The following EDEM1 variants were observed in gnomAD, a reference collection of about 807,000 sequenced individuals.
EDEM1 encodes the protein ER degradation enhancing alpha-mannosidase like protein 1.
EDEM1 carries 67 observed loss-of-function variants against 74.4 expected under a neutral mutation model. The ratio of observed to expected loss-of-function variants is 0.90; its 90% CI spans 0.74 to 1.10. EDEM1 has a LOEUF of 1.10. Ranked by LOEUF, EDEM1 falls within the 50% of genes least tolerant of loss-of-function variation. EDEM1 has a pLI of 0.00. For missense variants in EDEM1, 926 were observed against 851.6 expected, an observed-to-expected ratio of 1.09 and a Z score of -1.09; for synonymous variants, 382 against 335.9, an observed-to-expected ratio of 1.14 and a Z score of -1.50.
At chr3:5,193,749 C>T (rs553857929) in intron 1 of EDEM1, among the ~76,000 whole-genome samples, 7 of 152,170 alleles carry the variant, frequency 4.6e-5, no homozygotes, top group Non-Finnish European at 7.3e-5. Context: ...AGGCGCCTGC[C>T]ACCACGCCCA....
At chr3:5,196,434 G>A (rs1430327643) in intron 2 of EDEM1, among the ~76,000 whole-genome samples, 1 of 148,640 alleles carries the variant, frequency 6.7e-6, no homozygotes, top group Non-Finnish European at 1.5e-5. Context: ...TGTAGCCTGG[G>A]CAACAGAGTG....
intron 1 of EDEM1, among the ~76,000 whole-genome samples, chr3:5,191,348 C>T (rs1319764498): frequency 3.3e-5 from 5 of 152,168 alleles, no homozygotes; most frequent in South Asian, 4.1e-4. Context: ...CTCAGCCTCC[C>T]GAATAGCTGG....
intron 8 of EDEM1, among the ~76,000 whole-genome samples, chr3:5,209,569 C>T (rs1279936187): frequency 1.3e-5 from 2 of 152,248 alleles, no homozygotes; most frequent in Admixed American, 6.5e-5. Flanking sequence ...ATTAAAGATC[C>T]CCAACTTTTA....
chr3:5,202,018 G>C, intron 4 of EDEM1, 94 bp downstream of exon 4: 1 of 1,431,734 alleles, frequency 7.0e-7, no homozygotes, highest in Non-Finnish European at 9.4e-7. Flanking sequence ...AGAAGGAATG[G>C]GATGGAGGTA....
At chr3:5,195,065 G>C in intron 1 of EDEM1, 144 bp from the exon 2 acceptor site, 1 of 446,286 alleles carries the variant, frequency 2.2e-6, no homozygotes, top group Non-Finnish European at 3.9e-6. Flanking sequence ...GGGGTAGAAA[G>C]ACCTTTGCTG....
chr3:5,193,373 G>A (rs2054924539), intron 1 of EDEM1, among the ~76,000 whole-genome samples: 1 of 152,008 alleles, frequency 6.6e-6, no homozygotes, highest in South Asian at 2.1e-4. Flanking sequence ...TACCTTTTTT[G>A]GCTGTCACTT....
intron 5 of EDEM1, 125 bp downstream of exon 5, chr3:5,203,274 G>T (rs184064982): frequency 2.0e-6 from 2 of 997,356 alleles, no homozygotes; most frequent in Non-Finnish European, 2.8e-6. Flanking sequence ...AATTGTGTCA[G>T]CTCTATCTAA....
chr3:5,190,013 A>C (rs762739281), intron 1 of EDEM1, among the ~76,000 whole-genome samples: 16 of 152,022 alleles, frequency 1.1e-4, no homozygotes, highest in Non-Finnish European at 1.6e-4. Context: ...GGGGGGGATA[A>C]ACTTCATTTA....
At chr3:5,211,402 G>A (rs998514876) in intron 10 of EDEM1, 186 bp downstream of exon 10, 2 of 577,384 alleles carry the variant, frequency 3.5e-6, no homozygotes, top group African/African-American at 3.8e-5. Context: ...CAACCTTGTT[G>A]AAAAGTCATT....
At chr3:5,189,887 C>T (rs1314797898) in intron 1 of EDEM1, among the ~76,000 whole-genome samples, 1 of 152,230 alleles carries the variant, frequency 6.6e-6, no homozygotes, top group Non-Finnish European at 1.5e-5. Flanking sequence ...GCGTGAGCCA[C>T]CGCTCCCGGC....
chr3:5,203,168 C>G lies in EDEM1; in HGVS notation c.1042+19C>G, dbSNP rs112221106. 1.9e-6 allele frequency: 3 copies of G among 1,539,074 alleles called. No homozygotes were observed. In the Admixed American group the frequency reaches 6.2e-5, roughly 32 times the overall value. On this transcript the variant is annotated intron_variant, in intron 5 of 11. Coordinates refer to ENST00000256497, the MANE Select transcript of EDEM1 (RefSeq NM_014674.3). ...TTACTAGGTGTGGCACCTTTCCTCG[C>G]CATTGGGACTGCACACTGCTTGGTC...
At position 5,207,139 on chromosome 3, in the gene EDEM1, G is replaced by T; in HGVS notation, c.1218-14G>T. The T allele has an allele frequency of 6.2e-7, 1 of 1,613,670 alleles. No homozygotes were observed. Among genetic ancestry groups the T allele is most frequent in the Non-Finnish European group, 8.5e-7 (1 of 1,179,866 alleles). On this transcript the variant is annotated splice_polypyrimidine_tract_variant and intron_variant, in intron 6 of 11. Coordinates refer to ENST00000256497, the MANE Select transcript of EDEM1 (RefSeq NM_014674.3). ...CTTTCTTTTCACCACTGAATGTGCT[G>T]CTTGGGTTTGCAGGCGGGAAGCCTG...
Position 5,218,702 on chromosome 3 carries a change from A to C in EDEM1, c.*2784A>C, listed in dbSNP as rs903152635. The C allele has an allele frequency of 6.6e-6, 1 of 151,720 alleles. No individual in the cohort carries two copies. Among genetic ancestry groups the C allele is most frequent in the Non-Finnish European group, 1.5e-5 (1 of 68,038 alleles). The allele number at this position is 151,720 out of a possible 1,614,324, so 9.4% of individuals were successfully genotyped here. ...ATAATTCTCTCATAACAAACTTTCAAATCATTACAGTAGCTTAGCTACTTT... is the reference window on the plus strand; with the variant it reads ...ATAATTCTCTCATAACAAACTTTCACATCATTACAGTAGCTTAGCTACTTT... On this transcript the variant is annotated 3_prime_UTR_variant, in exon 12 of 12. Transcript: ENST00000256497.
intron 3 of EDEM1, among the ~76,000 whole-genome samples, chr3:5,200,365 TGA>T (rs956456855): frequency 3.9e-5 from 6 of 152,236 alleles, no homozygotes; most frequent in Non-Finnish European, 7.3e-5. Flanking sequence ...CTGAAGGAAA[TGA>T]GAGTTTCCCA....
intron 1 of EDEM1, among the ~76,000 whole-genome samples, chr3:5,192,373 G>A (rs1347684019): frequency 3.9e-5 from 6 of 152,116 alleles, no homozygotes; most frequent in African/African-American, 1.4e-4. Flanking sequence ...GTATACATGG[G>A]AATTTAAATT....
intron 2 of EDEM1, 89 bp from the exon 3 acceptor site, chr3:5,199,503 C>T: frequency 1.1e-6 from 1 of 893,570 alleles, no homozygotes; most frequent in Non-Finnish European, 1.7e-6. Context: ...CACATACAGA[C>T]ATTTAGGTGA....
intron 1 of EDEM1, among the ~76,000 whole-genome samples, chr3:5,189,746 T>G (rs2054877363): frequency 6.6e-6 from 1 of 152,110 alleles, no homozygotes; most frequent in Non-Finnish European, 1.5e-5. Flanking sequence ...GACTACAGAC[T>G]CGTGCCACCA....
At chr3:5,188,970 T>C (rs1024476088) in intron 1 of EDEM1, among the ~76,000 whole-genome samples, 1 of 152,170 alleles carries the variant, frequency 6.6e-6, no homozygotes, top group African/African-American at 2.4e-5. Flanking sequence ...GGATGCCAGA[T>C]TGACTGTCAA....
rs563824838 is a variant in EDEM1, at chr3:5,207,031, T to C, written c.1218-122T>C. On this transcript the variant is annotated intron_variant, in intron 6 of 11. Transcript: ENST00000256497. The stretch of plus-strand genomic sequence containing the variant: ...AGTCTGTCTGCAGAGGTTTAAGGAA[T>C]GAGTTAGGAGAAAAAATTAATGTTA... 3.3e-5 allele frequency: 44 copies of C among 1,343,382 alleles called. No homozygotes were observed. The African/African-American group carries it at 5.1e-4, about 16-fold the overall frequency. 83.2% of individuals were successfully genotyped at this position (1,343,382 alleles called of 1,614,324 possible). A position where few individuals can be genotyped will look rare whatever the true frequency, so the allele number is the denominator to read the frequency against.
Sources: allele counts gnomAD v4.1 joint callset (sites outside exome capture counted in the v4.1 genomes callset), GRCh38; gene constraint gnomAD v4.1.1; transcripts MANE v1.5; gene names NCBI Gene and HGNC (gene_info 2026-07-23, HGNC 2026-07-21).